The following PAG1 variants were observed in gnomAD, a reference collection of about 807,000 sequenced individuals.
PAG1 encodes the protein phosphoprotein associated with glycosphingolipid-enriched microdomains 1.
Under a neutral mutation model 31.7 loss-of-function variants are expected in PAG1, and 23 were observed. The ratio of observed to expected loss-of-function variants is 0.73; its 90% CI spans 0.52 to 1.03. The LOEUF is 1.03. PAG1 is among the 50% of genes least tolerant of loss of function. The pLI, the probability that PAG1 is intolerant of heterozygous loss-of-function variation, is 0.00. For synonymous variants in PAG1, 214 were observed against 210.3 expected, an observed-to-expected ratio of 1.02 and a Z score of -0.15; for missense variants, 473 against 540.7, an observed-to-expected ratio of 0.87 and a Z score of 1.24.
In PAG1 at chr8:80,973,831, A is replaced by AT. The variant is rs11414789; in HGVS notation, c.*2712_*2713insA. Reference sequence around the variant, plus strand: ...AAACAGTGATGGTGCCTCAGTAAATAACTTCAGTAAAATATCCAGTGCTCC... The same window carrying AT: ...AAACAGTGATGGTGCCTCAGTAAATATACTTCAGTAAAATATCCAGTGCTCC... On this transcript the variant is annotated 3_prime_UTR_variant, in exon 9 of 9. Transcript: ENST00000220597. The AT allele has an allele frequency of 0.63, 95,772 of 151,912 alleles. 30,555 individuals are homozygous for AT. Among genetic ancestry groups the AT allele is most frequent in the Admixed American group, 0.73 (11,135 of 15,266 alleles). 9.4% of individuals were successfully genotyped at this position (151,912 alleles called of 1,614,324 possible).
chr8:81,036,103 T>A (rs1808458216), intron 2 of PAG1, among the ~76,000 whole-genome samples: 1 of 152,202 alleles, frequency 6.6e-6, no homozygotes, highest in African/African-American at 2.4e-5. Context: ...TTTGGGTCAC[T>A]GTGTTAAATG....
chr8:80,981,621 C>T lies in PAG1; in HGVS notation c.877-1127G>A, dbSNP rs577123198. Reference sequence around the variant, plus strand: ...CTCTTAGCCCCACCCTCAGCCTCTGCGTTAATCTATTTTCTTTCCTCCCTG... The same window carrying T: ...CTCTTAGCCCCACCCTCAGCCTCTGTGTTAATCTATTTTCTTTCCTCCCTG... On this transcript the variant is annotated intron_variant, in intron 7 of 8. Transcript: ENST00000220597. Among the ~76,000 whole-genome samples, 6 of 152,136 alleles carry T rather than the reference C, an allele frequency of 3.9e-5. No individual in the cohort carries two copies. The South Asian group carries it at 8.3e-4, about 21-fold the overall frequency.
chr8:81,108,506 G>T lies in PAG1; in HGVS notation c.-234+3085C>A, dbSNP rs1393735297. Among the ~76,000 whole-genome samples, 3 of 152,106 alleles carry T rather than the reference G, an allele frequency of 2.0e-5. No individual in the cohort carries two copies. In the East Asian group the frequency reaches 5.8e-4, roughly 29 times the overall value. On this transcript the variant is annotated intron_variant, in intron 1 of 8. Transcript: ENST00000220597. ...CAGTGTTAGCATACATTAGCTAAGAGATTTCATTAAACATTAAATCAGTCT... is the reference window on the plus strand; with the variant it reads ...CAGTGTTAGCATACATTAGCTAAGATATTTCATTAAACATTAAATCAGTCT...
At chr8:81,062,268 G>A (rs1428400484) in intron 2 of PAG1, among the ~76,000 whole-genome samples, 4 of 152,226 alleles carry the variant, frequency 2.6e-5, no homozygotes, top group African/African-American at 7.2e-5. Context: ...GTTAGCAGAA[G>A]TTTAAGAACA....
chr8:81,065,378 G>T (rs1247844248), intron 2 of PAG1, among the ~76,000 whole-genome samples: 1 of 151,856 alleles, frequency 6.6e-6, no homozygotes, highest in Non-Finnish European at 1.5e-5. Context: ...GAAGAGTCCT[G>T]ATGTATGGAA....
At position 81,000,293 on chromosome 8, in the gene PAG1, T is replaced by G. The variant is rs529028452; in HGVS notation, c.-80-6986A>C. Among the ~76,000 whole-genome samples the G allele has an allele frequency of 3.3e-5, 5 of 152,292 alleles. 1 individual carries two copies. In the South Asian group the frequency reaches 1.0e-3, roughly 32 times the overall value. On this transcript the variant is annotated intron_variant, in intron 3 of 8. Coordinates refer to ENST00000220597, the MANE Select transcript of PAG1 (RefSeq NM_018440.4). ...TTCTGTAGGAAGAATGGTGAGTAGA[T>G]TCTCAAGCAGATTCTCAAAATGCAA...
intron 3 of PAG1, among the ~76,000 whole-genome samples, chr8:81,007,900 T>C (rs1437026545): frequency 1.3e-5 from 2 of 152,194 alleles, no homozygotes; most frequent in Admixed American, 1.3e-4. Flanking sequence ...GGAATCACTG[T>C]GTGCTTATTT....
intron 3 of PAG1, among the ~76,000 whole-genome samples, chr8:81,024,530 G>C (rs1240376867): frequency 6.6e-6 from 1 of 152,156 alleles, no homozygotes; most frequent in Non-Finnish European, 1.5e-5. Flanking sequence ...TTAAATGTAT[G>C]TATCCACAAG....
intron 3 of PAG1, among the ~76,000 whole-genome samples, chr8:81,014,308 T>C (rs1808035939): frequency 6.6e-6 from 1 of 152,198 alleles, no homozygotes; most frequent in African/African-American, 2.4e-5. Flanking sequence ...TACAAATACT[T>C]ATTACTATGT....
At chr8:81,065,436 C>T (rs1808987425) in intron 2 of PAG1, among the ~76,000 whole-genome samples, 1 of 152,078 alleles carries the variant, frequency 6.6e-6, no homozygotes, top group African/African-American at 2.4e-5. Flanking sequence ...CACAAACTCA[C>T]TGCTGTTTAA....
At position 80,976,586 on chromosome 8, in the gene PAG1, G is replaced by A; in HGVS notation, c.1257C>T (p.Ser419=). 6.2e-7 allele frequency: 1 copy of A among 1,613,768 alleles called. No individual in the cohort carries two copies. Among genetic ancestry groups the A allele is most frequent in the Non-Finnish European group, 8.5e-7 (1 of 1,179,886 alleles). Reference sequence around the variant, plus strand: ...CTCTGCCTTGCTGCAAGTCACTTATGCTCTCGTAGTCGTTCTCCTTTGGGA... The same window carrying A: ...CTCTGCCTTGCTGCAAGTCACTTATACTCTCGTAGTCGTTCTCCTTTGGGA... ...GLVPKENDYE[S]ISDLQQGRDI... The change falls in exon 9 of 9, where the codon AGC becomes AGT. Residue 419 remains serine (S), a synonymous_variant. Coordinates refer to ENST00000220597, the MANE Select transcript of PAG1 (RefSeq NM_018440.4).
intron 3 of PAG1, among the ~76,000 whole-genome samples, chr8:81,014,870 G>A (rs1406637433): frequency 2.0e-5 from 3 of 152,188 alleles, no homozygotes; most frequent in Non-Finnish European, 4.4e-5. Flanking sequence ...CGGATAGAGG[G>A]CCCTTTTGTG....
chr8:80,987,983 A>G (rs1245124415), intron 5 of PAG1, among the ~76,000 whole-genome samples: 4 of 152,226 alleles, frequency 2.6e-5, no homozygotes, highest in Admixed American at 2.6e-4. Context: ...GTCACATTTC[A>G]AGCGCTCAAT....
rs969396885 is a variant in PAG1 at position 81,112,029 on chromosome 8, G to A, written c.-672C>T. 3 of 152,192 alleles carry A rather than the reference G, an allele frequency of 2.0e-5. No homozygotes were observed. The highest frequency in any genetic ancestry group is 2.1e-4 in the South Asian group (1 of 4,834). The allele number at this position is 152,192 out of a possible 1,614,324, so 9.4% of individuals were successfully genotyped here. The stretch of plus-strand genomic sequence containing the variant: ...CGCGCAGACGGACAAGCGAGCGGGA[G>A]GGTACCGCAGCCAGCACTCGCCGCC... On this transcript the variant is annotated 5_prime_UTR_variant, in exon 1 of 9. Transcript: ENST00000220597.
intron 1 of PAG1, among the ~76,000 whole-genome samples, chr8:81,091,052 A>C (rs1303014468): frequency 6.6e-6 from 1 of 152,232 alleles, no homozygotes; most frequent in African/African-American, 2.4e-5. Flanking sequence ...ATAAGGGTCT[A>C]AACTAAGAGA....
At chr8:81,074,876 C>G (rs1218929414) in intron 1 of PAG1, among the ~76,000 whole-genome samples, 1 of 152,218 alleles carries the variant, frequency 6.6e-6, no homozygotes. Flanking sequence ...AACAGCTCCA[C>G]TTTAAGTCGC....
chr8:81,006,959 C>T (rs1488271130), intron 3 of PAG1, among the ~76,000 whole-genome samples: 1 of 152,170 alleles, frequency 6.6e-6, no homozygotes, highest in Non-Finnish European at 1.5e-5. Context: ...ACTCTACCCC[C>T]AATTTCCATT....
At chr8:81,047,283 T>C (rs189176368) in intron 2 of PAG1, among the ~76,000 whole-genome samples, 83 of 152,228 alleles carry the variant, frequency 5.5e-4, no homozygotes, top group Non-Finnish European at 8.8e-4. Flanking sequence ...TCTTCTACAA[T>C]GGTTGAACTA....
intron 2 of PAG1, among the ~76,000 whole-genome samples, chr8:81,050,629 G>A (rs1419149591): frequency 1.3e-5 from 2 of 152,162 alleles, no homozygotes; most frequent in Non-Finnish European, 2.9e-5. Flanking sequence ...TTGTCTATAA[G>A]TTAATTCATG....
Sources: gnomAD v4.1 joint callset for allele counts (sites outside exome capture counted in the v4.1 genomes callset) on GRCh38, gnomAD v4.1.1 for gene constraint, MANE v1.5 for transcripts, NCBI Gene and HGNC (gene_info 2026-07-23, HGNC 2026-07-21) for gene names.